The following RBFOX1 variants were observed in gnomAD, a reference collection of about 807,000 sequenced individuals.
RBFOX1 encodes the protein RNA binding fox-1 homolog 1.
A neutral mutation model predicts 57.7 loss-of-function variants in RBFOX1; 8 were observed. The observed-to-expected ratio is 0.14, with a 90% confidence interval of 0.08 to 0.25. RBFOX1 has a LOEUF of 0.25. Ranked by LOEUF, RBFOX1 falls within the 10% of genes least tolerant of loss-of-function variation. The probability of loss-of-function intolerance (pLI) is 1.00; values close to 1 mark genes in which losing one functional copy is unlikely to be tolerated. For missense variants in RBFOX1, 611 were observed against 548.5 expected, an observed-to-expected ratio of 1.11 and a Z score of -1.14; for synonymous variants, 326 against 222.4, an observed-to-expected ratio of 1.47 and a Z score of -4.15.
At chr16:7,247,654 G>T (rs1168204740) in intron 4 of RBFOX1, among the ~76,000 whole-genome samples, 1 of 152,234 alleles carries the variant, frequency 6.6e-6, no homozygotes, top group East Asian at 1.9e-4. Context: ...GAATACATTA[G>T]TGACTGCTTG....
chr16:7,157,055 C>G (rs577034624), intron 4 of RBFOX1, among the ~76,000 whole-genome samples: 7 of 152,168 alleles, frequency 4.6e-5, no homozygotes, highest in Non-Finnish European at 1.0e-4. Flanking sequence ...TCCTGTTTTT[C>G]CCCTATTATA....
intron 2 of RBFOX1, among the ~76,000 whole-genome samples, chr16:5,537,028 A>T (rs779129871): frequency 2.0e-4 from 30 of 152,330 alleles, no homozygotes; most frequent in Admixed American, 3.9e-4. Flanking sequence ...GTTTTAAGTA[A>T]CAGGTTTCCC....
chr16:5,797,864 T>C (rs1024894039), intron 3 of RBFOX1, among the ~76,000 whole-genome samples: 10 of 152,140 alleles, frequency 6.6e-5, no homozygotes, highest in African/African-American at 2.4e-4. Flanking sequence ...CATGAGGCCT[T>C]AGAACAAGCA....
intron 4 of RBFOX1, among the ~76,000 whole-genome samples, chr16:7,153,690 C>G (rs1396685770): frequency 5.9e-5 from 8 of 136,748 alleles, no homozygotes; most frequent in African/African-American, 2.2e-4. Flanking sequence ...TCGGAGGTTG[C>G]ATTGAACTCT....
At chr16:6,851,829 G>C (rs2094084413) in intron 3 of RBFOX1, among the ~76,000 whole-genome samples, 1 of 152,098 alleles carries the variant, frequency 6.6e-6, no homozygotes, top group Admixed American at 6.5e-5. Flanking sequence ...AGACATGGAT[G>C]ATGCCCTGTG....
chr16:5,881,047 T>G (rs8050388), intron 4 of RBFOX1, among the ~76,000 whole-genome samples: 81,819 of 151,828 alleles, frequency 0.54, 24,212 homozygotes, highest in African/African-American at 0.8. Context: ...CAATGTTGTG[T>G]CTTATATTTA....
intron 3 of RBFOX1, among the ~76,000 whole-genome samples, chr16:5,758,366 C>G (rs1326331251): frequency 1.3e-5 from 2 of 152,230 alleles, no homozygotes; most frequent in East Asian, 1.9e-4. Flanking sequence ...CCTGGAGATG[C>G]TCTTGTAACT....
intron 4 of RBFOX1, among the ~76,000 whole-genome samples, chr16:7,109,229 A>G (rs181301165): frequency 1.3e-5 from 2 of 152,292 alleles, no homozygotes; most frequent in East Asian, 1.9e-4. Context: ...TAGATTTTCT[A>G]ATGTTAACCT....
At chr16:5,618,400 C>A (rs545835812) in intron 3 of RBFOX1, among the ~76,000 whole-genome samples, 1 of 151,994 alleles carries the variant, frequency 6.6e-6, no homozygotes, top group East Asian at 1.9e-4. Context: ...TGCAGTGGTG[C>A]GATCTCGGCT....
intron 14 of RBFOX1, among the ~76,000 whole-genome samples, chr16:7,695,285 C>T (rs571652135): frequency 3.9e-5 from 6 of 152,158 alleles, no homozygotes; most frequent in African/African-American, 1.4e-4. Flanking sequence ...TATCTCCCAG[C>T]AAGTTCACCT....
chr16:7,183,544 G>C (rs1295349323), intron 4 of RBFOX1, among the ~76,000 whole-genome samples: 2 of 152,190 alleles, frequency 1.3e-5, no homozygotes, highest in African/African-American at 2.4e-5. Flanking sequence ...CAATAGTTCT[G>C]AATAAATGTG....
chr16:7,112,316 C>T (rs549416341), intron 4 of RBFOX1, among the ~76,000 whole-genome samples: 39 of 152,136 alleles, frequency 2.6e-4, no homozygotes, highest in African/African-American at 8.2e-4. Context: ...GATCCTCCAG[C>T]CTCAGACTCC....
chr16:7,658,278 G>T (rs1020622031), intron 12 of RBFOX1, among the ~76,000 whole-genome samples: 1 of 152,112 alleles, frequency 6.6e-6, no homozygotes, highest in East Asian at 1.9e-4. Flanking sequence ...TTTGCTAGGG[G>T]GCACTTGCAG....
In RBFOX1 at chr16:6,654,637, T is replaced by C; in HGVS notation, c.-29T>C. The C allele has an allele frequency of 6.6e-7, 1 of 1,509,962 alleles. No homozygotes were observed. Among genetic ancestry groups the C allele is most frequent in the Non-Finnish European group, 8.8e-7 (1 of 1,138,376 alleles). 93.5% of individuals were successfully genotyped at this position (1,509,962 alleles called of 1,614,324 possible). On this transcript the variant is annotated 5_prime_UTR_variant, in exon 3 of 16. The change abolishes the stop of an existing upstream ORF in the 5' untranslated region. Coordinates refer to ENST00000550418, the MANE Select transcript of RBFOX1 (RefSeq NM_018723.4). ...GCAGACTGCAATACCTGCGTGGAAA[T>C]AGAAGACAGAAAGGTGAGTCAATAT...
chr16:6,087,985 G>T lies in RBFOX1; in HGVS notation c.-127+67993G>T, dbSNP rs372827504. Among the ~76,000 whole-genome samples the T allele has an allele frequency of 3.9e-5, 6 of 152,228 alleles. No homozygotes were observed. The East Asian group carries it at 9.7e-4, about 25-fold the overall frequency. ...TTCTTGTATAAAAACTCCTGCGTGT[G>T]TGTGTTTGTGTGTGTGTGTAAAACT... On this transcript the variant is annotated intron_variant, in intron 1 of 15. Transcript: ENST00000550418.
chr16:6,465,734 G>A (rs1381851995), intron 2 of RBFOX1, among the ~76,000 whole-genome samples: 1 of 151,816 alleles, frequency 6.6e-6, no homozygotes. Flanking sequence ...GAAGAATTGA[G>A]GAGTTGCAAC....
chr16:7,064,381 C>G (rs2055401721), intron 4 of RBFOX1, among the ~76,000 whole-genome samples: 1 of 152,030 alleles, frequency 6.6e-6, no homozygotes, highest in South Asian at 2.1e-4. Context: ...GTTGCCCAGG[C>G]TGGTCTTGAA....
chr16:5,641,386 G>C (rs1288245821), intron 3 of RBFOX1, among the ~76,000 whole-genome samples: 1 of 152,206 alleles, frequency 6.6e-6, no homozygotes, highest in African/African-American at 2.4e-5. Flanking sequence ...GTAGATACCT[G>C]CTGCAGTGTC....
intron 1 of RBFOX1, among the ~76,000 whole-genome samples, chr16:6,162,836 C>G (rs991713146): frequency 6.6e-6 from 1 of 152,128 alleles, no homozygotes; most frequent in Admixed American, 6.5e-5. Context: ...CAGGTTCAAG[C>G]AATTCTCCTG....
Sources: gnomAD v4.1 joint callset for allele counts (sites outside exome capture counted in the v4.1 genomes callset) on GRCh38, gnomAD v4.1.1 for gene constraint, MANE v1.5 for transcripts, NCBI Gene and HGNC (gene_info 2026-07-23, HGNC 2026-07-21) for gene names.